PDSS2: variants seen among roughly 807,000 people sequenced by gnomAD.
PDSS2 encodes the protein decaprenyl diphosphate synthase subunit 2.
A neutral mutation model predicts 44.5 loss-of-function variants in PDSS2; 31 were observed. The ratio of observed to expected loss-of-function variants is 0.70; its 90% CI spans 0.52 to 0.94. PDSS2 has a LOEUF of 0.94. PDSS2 is among the 40% of genes least tolerant of loss of function. PDSS2 has a pLI of 0.00. For synonymous variants in PDSS2, 157 were observed against 180.3 expected (o/e 0.87, Z 1.03); for missense variants, 452 against 482.2 (o/e 0.94, Z 0.59).
chr6:107,227,699 C>G (rs1433387053), intron 4 of PDSS2, among the ~76,000 whole-genome samples: 1 of 152,076 alleles, frequency 6.6e-6, no homozygotes, highest in Non-Finnish European at 1.5e-5. Flanking sequence ...ACCAGGTGAA[C>G]CTGGTAAGGA....
At chr6:107,369,709 T>TA (rs1175283805) in intron 1 of PDSS2, among the ~76,000 whole-genome samples, 3 of 151,884 alleles carry the variant, frequency 2.0e-5, no homozygotes, top group African/African-American at 4.8e-5. Flanking sequence ...GCTGTGAAAA[T>TA]AAAAAATCAT....
At chr6:107,201,702 C>T (rs548384451) in intron 6 of PDSS2, among the ~76,000 whole-genome samples, 3 of 152,122 alleles carry the variant, frequency 2.0e-5, no homozygotes, top group Non-Finnish European at 4.4e-5. Context: ...AGCAGGGAGT[C>T]CAGAAATTGC....
At chr6:107,282,981 C>A (rs1370656890) in intron 2 of PDSS2, among the ~76,000 whole-genome samples, 3 of 151,338 alleles carry the variant, frequency 2.0e-5, no homozygotes, top group African/African-American at 4.8e-5. Context: ...ATCTCAGCCT[C>A]CCAAAGTGCT....
chr6:107,312,659 A>C (rs1777079799), intron 2 of PDSS2, among the ~76,000 whole-genome samples: 1 of 152,218 alleles, frequency 6.6e-6, no homozygotes, highest in Non-Finnish European at 1.5e-5. Flanking sequence ...TTACCTAACA[A>C]GATTAAAAAT....
At chr6:107,241,794 A>AAT (rs1266081009) in intron 4 of PDSS2, among the ~76,000 whole-genome samples, 1 of 152,214 alleles carries the variant, frequency 6.6e-6, no homozygotes, top group Non-Finnish European at 1.5e-5. Flanking sequence ...CCACTGCATT[A>AAT]AGCTGCCATA....
At chr6:107,343,189 T>C (rs1238712860) in intron 1 of PDSS2, among the ~76,000 whole-genome samples, 1 of 152,210 alleles carries the variant, frequency 6.6e-6, no homozygotes, top group Non-Finnish European at 1.5e-5. Flanking sequence ...AAGATGGATG[T>C]CAAATTCTAA....
intron 3 of PDSS2, among the ~76,000 whole-genome samples, chr6:107,255,888 A>C (rs1369247491): frequency 6.6e-6 from 1 of 152,224 alleles, no homozygotes; most frequent in African/African-American, 2.4e-5. Context: ...ACAGAGAGGC[A>C]AGATAAAACA....
At chr6:107,297,959 T>C (rs1776566327) in intron 2 of PDSS2, among the ~76,000 whole-genome samples, 1 of 152,190 alleles carries the variant, frequency 6.6e-6, no homozygotes, top group Non-Finnish European at 1.5e-5. Context: ...TTGGCCAGGC[T>C]GGTCTCGAAC....
chr6:107,274,803 GC>G (rs1775724447), intron 2 of PDSS2, among the ~76,000 whole-genome samples: 1 of 151,362 alleles, frequency 6.6e-6, no homozygotes, highest in Non-Finnish European at 1.5e-5. Context: ...CTCCCGAGTA[GC>G]TGGGACTACA....
intron 6 of PDSS2, among the ~76,000 whole-genome samples, chr6:107,194,111 G>A (rs760547750): frequency 4.1e-4 from 62 of 152,292 alleles, no homozygotes; most frequent in Admixed American, 9.2e-4. Flanking sequence ...AATGTCACAT[G>A]CTTCAGCATG....
At chr6:107,416,196 G>C (rs1233764450) in intron 1 of PDSS2, among the ~76,000 whole-genome samples, 2 of 152,070 alleles carry the variant, frequency 1.3e-5, no homozygotes, top group Admixed American at 6.5e-5. Flanking sequence ...TCCCAGGCAT[G>C]TGTCTAATCC....
chr6:107,263,631 T>C (rs185009614), intron 3 of PDSS2, among the ~76,000 whole-genome samples: 22 of 152,306 alleles, frequency 1.4e-4, no homozygotes, highest in Admixed American at 7.2e-4. Flanking sequence ...GGCTTCAAAA[T>C]GGGCAAAGTT....
At chr6:107,359,685 T>G (rs1778707900) in intron 1 of PDSS2, among the ~76,000 whole-genome samples, 1 of 150,164 alleles carries the variant, frequency 6.7e-6, no homozygotes, top group Admixed American at 6.6e-5. Context: ...GCATCAAGCA[T>G]TAAAATACCT....
intron 1 of PDSS2, among the ~76,000 whole-genome samples, chr6:107,443,970 C>G (rs899383281): frequency 6.6e-6 from 1 of 152,180 alleles, no homozygotes; most frequent in Non-Finnish European, 1.5e-5. Flanking sequence ...AGGTACTGTT[C>G]TAAGCACTTT....
At chr6:107,205,426 G>C (rs1772939963) in intron 6 of PDSS2, among the ~76,000 whole-genome samples, 1 of 152,194 alleles carries the variant, frequency 6.6e-6, no homozygotes, top group Non-Finnish European at 1.5e-5. Context: ...GACTCCCTGA[G>C]AGAGTCAGAG....
chr6:107,457,582 CA>C (rs1782085569), intron 1 of PDSS2, among the ~76,000 whole-genome samples: 1 of 152,048 alleles, frequency 6.6e-6, no homozygotes, highest in African/African-American at 2.4e-5. Flanking sequence ...TCGTGACAAC[CA>C]AAAATGTCTC....
intron 6 of PDSS2, among the ~76,000 whole-genome samples, chr6:107,198,622 T>G (rs1041770051): frequency 2.6e-5 from 4 of 152,170 alleles, no homozygotes; most frequent in African/African-American, 2.4e-5. Context: ...ACAACAGACA[T>G]TCTGATATGG....
At chr6:107,428,649 GA>G (rs1257845121) in intron 1 of PDSS2, among the ~76,000 whole-genome samples, 1 of 152,100 alleles carries the variant, frequency 6.6e-6, no homozygotes, top group African/African-American at 2.4e-5. Flanking sequence ...GCAATATAGT[GA>G]AACTCCCCCA....
At chr6:107,186,620 C>G (rs919532401) in intron 7 of PDSS2, among the ~76,000 whole-genome samples, 2 of 152,114 alleles carry the variant, frequency 1.3e-5, no homozygotes, top group Non-Finnish European at 2.9e-5. Flanking sequence ...CCCCCCTACC[C>G]CCCAACAGGC....
Sources: allele counts gnomAD v4.1 joint callset (sites outside exome capture counted in the v4.1 genomes callset), GRCh38; gene constraint gnomAD v4.1.1; transcripts MANE v1.5; gene names NCBI Gene and HGNC (gene_info 2026-07-23, HGNC 2026-07-21).